The following DISC1 variants were observed in gnomAD, a reference collection of about 807,000 sequenced individuals.
DISC1 encodes DISC1 scaffold protein, also known as disrupted in schizophrenia 1 protein.
In DISC1, 57 loss-of-function variants were observed where a neutral mutation model predicts 84.5. The ratio of observed to expected loss-of-function variants is 0.67; its 90% CI spans 0.55 to 0.84. DISC1 has a LOEUF of 0.84. Among genes scored for constraint, DISC1 ranks in the 40% least tolerant of loss-of-function variants. DISC1 has a pLI of 0.00. For missense variants in DISC1, 1,000 were observed against 1,057.8 expected (o/e 0.95, Z 0.76); for synonymous variants, 411 against 415.2 (o/e 0.99, Z 0.12).
At chr1:231,948,939 G>A (rs566800135) in intron 9 of DISC1, among the ~76,000 whole-genome samples, 5 of 144,884 alleles carry the variant, frequency 3.5e-5, no homozygotes, top group East Asian at 2.1e-4. Flanking sequence ...GTGCGATCTC[G>A]GCTCACTGCA....
intron 1 of DISC1, among the ~76,000 whole-genome samples, chr1:231,656,863 T>C (rs1243163983): frequency 2.6e-5 from 4 of 152,232 alleles, no homozygotes; most frequent in Admixed American, 1.3e-4. Flanking sequence ...TTCCCACTTA[T>C]AGATGAGAGC....
intron 3 of DISC1, among the ~76,000 whole-genome samples, chr1:231,747,906 T>A (rs2074190036): frequency 6.6e-6 from 1 of 152,222 alleles, no homozygotes; most frequent in Admixed American, 6.5e-5. Context: ...CTCTTCAATT[T>A]CTTTCATCAA....
intron 1 of DISC1, among the ~76,000 whole-genome samples, chr1:231,664,915 A>C (rs1398292044): frequency 6.6e-6 from 1 of 151,666 alleles, no homozygotes; most frequent in Non-Finnish European, 1.5e-5. Context: ...AAAAAAAAAT[A>C]AGAAAAAGCT....
chr1:231,927,605 T>C (rs2090425655), intron 9 of DISC1, among the ~76,000 whole-genome samples: 1 of 152,202 alleles, frequency 6.6e-6, no homozygotes, highest in South Asian at 2.1e-4. Flanking sequence ...TGCCCTTCAT[T>C]GTGTTCTATT....
At chr1:231,935,612 A>G (rs1427056501) in intron 9 of DISC1, among the ~76,000 whole-genome samples, 3 of 152,222 alleles carry the variant, frequency 2.0e-5, no homozygotes, top group South Asian at 2.1e-4. Context: ...TAAAAAGCCA[A>G]TTCGGTGAGT....
chr1:231,801,102 A>G (rs1368473673), intron 8 of DISC1, among the ~76,000 whole-genome samples: 2 of 152,186 alleles, frequency 1.3e-5, no homozygotes, highest in Non-Finnish European at 2.9e-5. Flanking sequence ...AATAATTGGC[A>G]GCTTCTGCTC....
At chr1:231,829,349 A>C (rs977280297) in intron 9 of DISC1, among the ~76,000 whole-genome samples, 12 of 152,130 alleles carry the variant, frequency 7.9e-5, no homozygotes, top group African/African-American at 2.4e-4. Context: ...TAATACATTC[A>C]ACTTGTTTTT....
chr1:231,670,871 A>G (rs1164669670), intron 1 of DISC1: 2 of 152,220 alleles, frequency 1.3e-5, no homozygotes, highest in Non-Finnish European at 2.9e-5. Flanking sequence ...AAGAAAGCCT[A>G]TGGTTGTTTT....
chr1:231,758,382 A>T (rs764194018), intron 4 of DISC1, among the ~76,000 whole-genome samples: 1 of 151,624 alleles, frequency 6.6e-6, no homozygotes, highest in Non-Finnish European at 1.5e-5. Context: ...ACTGGGTTTG[A>T]GTAGAAGAGT....
intron 10 of DISC1, among the ~76,000 whole-genome samples, chr1:231,989,418 C>T (rs938221854): frequency 5.3e-5 from 8 of 152,184 alleles, no homozygotes; most frequent in African/African-American, 9.6e-5. Flanking sequence ...CACTTACTGG[C>T]GGATTTGCTT....
chr1:231,974,103 A>G (rs971950589), intron 10 of DISC1, among the ~76,000 whole-genome samples: 4 of 152,126 alleles, frequency 2.6e-5, no homozygotes, highest in African/African-American at 4.8e-5. Flanking sequence ...CACACACTAA[A>G]CAGGGTCAAG....
chr1:231,938,728 A>C (rs59010977), intron 9 of DISC1, among the ~76,000 whole-genome samples: 31,867 of 152,080 alleles, frequency 0.21, 4,070 homozygotes, highest in East Asian at 0.67. Flanking sequence ...CAATCCACCC[A>C]CCACCAATGG....
intron 9 of DISC1, among the ~76,000 whole-genome samples, chr1:231,941,853 A>G (rs2091362337): frequency 6.6e-6 from 1 of 152,190 alleles, no homozygotes; most frequent in Non-Finnish European, 1.5e-5. Context: ...GGCACCAGTA[A>G]AGGATCAGAG....
intron 9 of DISC1, among the ~76,000 whole-genome samples, chr1:231,907,953 G>T (rs565591417): frequency 3.3e-4 from 51 of 152,256 alleles, no homozygotes; most frequent in Non-Finnish European, 5.1e-4. Context: ...TCATGTGTCT[G>T]TTGGCTGCAT....
intron 9 of DISC1, among the ~76,000 whole-genome samples, chr1:231,915,632 G>A (rs2089566562): frequency 6.6e-6 from 1 of 152,196 alleles, no homozygotes; most frequent in Non-Finnish European, 1.5e-5. Flanking sequence ...CAAAAAAATA[G>A]CCAGGCGTGG....
At chr1:231,780,092 TG>T (rs768918797) in intron 6 of DISC1, among the ~76,000 whole-genome samples, 4 of 150,002 alleles carry the variant, frequency 2.7e-5, no homozygotes, top group Non-Finnish European at 5.9e-5. Context: ...TGTTGTGGGC[TG>T]GGGGGAGGGG....
intron 1 of DISC1, among the ~76,000 whole-genome samples, chr1:231,638,687 G>A (rs1484229005): frequency 6.6e-6 from 1 of 151,996 alleles, no homozygotes; most frequent in Non-Finnish European, 1.5e-5. Flanking sequence ...TTTTTATTCT[G>A]TTTCATTGAT....
chr1:231,959,181 A>C, intron 10 of DISC1: 2 of 1,068,010 alleles, frequency 1.9e-6, no homozygotes, highest in Non-Finnish European at 2.3e-6. Context: ...TTCAGAATTC[A>C]TTCCTTAGTC....
At chr1:231,937,471 G>C (rs1197942559) in intron 9 of DISC1, among the ~76,000 whole-genome samples, 6 of 152,218 alleles carry the variant, frequency 3.9e-5, no homozygotes, top group Non-Finnish European at 8.8e-5. Context: ...TCTGCACACA[G>C]AGCTTTCATT....
Sources: allele counts gnomAD v4.1 joint callset (sites outside exome capture counted in the v4.1 genomes callset), GRCh38; gene constraint gnomAD v4.1.1; transcripts MANE v1.5; gene names NCBI Gene and HGNC (gene_info 2026-07-23, HGNC 2026-07-21).